The following DOCK1 variants were observed in gnomAD, a reference collection of about 807,000 sequenced individuals.
DOCK1 encodes dedicator of cytokinesis protein 1.
A neutral mutation model predicts 262.7 loss-of-function variants in DOCK1; 138 were observed. The ratio of observed to expected loss-of-function variants is 0.53; its 90% CI spans 0.46 to 0.61. The LOEUF is 0.61. Ranked by LOEUF, DOCK1 falls within the 20% of genes least tolerant of loss-of-function variation. The pLI is 0.00. For missense variants in DOCK1, 1,908 were observed against 2,370.7 expected (o/e 0.80, Z 4.05); for synonymous variants, 866 against 867.4 (o/e 1.00, Z 0.03).
intron 2 of DOCK1, among the ~76,000 whole-genome samples, chr10:126,976,827 G>C (rs545395658): frequency 6.6e-6 from 1 of 151,842 alleles, no homozygotes; most frequent in African/African-American, 2.4e-5. Flanking sequence ...TCTGCCTCTC[G>C]GGTTTAAGCA....
Position 127,267,990 on chromosome 10 carries a change from G to GT in DOCK1, c.3044+10563dup, listed in dbSNP as rs1418296430. On this transcript the variant is annotated intron_variant, in intron 29 of 51. Transcript: ENST00000623213. ...TTTTGATAGTTCTCAATGAAGGACA[G>GT]TTGTTTCCCCTAGAGGAAAATCGAC... 2.6e-5 allele frequency among the ~76,000 whole-genome samples: 4 copies of GT among 152,288 alleles called. No homozygotes were observed. The East Asian group carries it at 5.8e-4, about 22-fold the overall frequency.
Position 127,441,536 on chromosome 10 carries a change from G to A in DOCK1, c.5259+2311G>A, listed in dbSNP as rs575592268. Among the ~76,000 whole-genome samples the A allele has an allele frequency of 3.9e-5, 6 of 152,318 alleles. No individual in the cohort carries two copies. In the East Asian group the frequency reaches 5.8e-4, roughly 15 times the overall value. On this transcript the variant is annotated intron_variant, in intron 49 of 51. Transcript: ENST00000623213. ...GCAGAGGGCACCTCCTCCAGGGGAC[G>A]GGTGCCGGCAAGGTCTGTGAGGACA...
intron 31 of DOCK1, among the ~76,000 whole-genome samples, chr10:127,350,532 T>C (rs1046836432): frequency 6.6e-6 from 1 of 152,212 alleles, no homozygotes; most frequent in African/African-American, 2.4e-5. Flanking sequence ...CTGAGCCCAC[T>C]GTTACATTTT....
chr10:127,168,495 G>A (rs61874030), intron 27 of DOCK1, among the ~76,000 whole-genome samples: 42 of 152,292 alleles, frequency 2.8e-4, no homozygotes, highest in Non-Finnish European at 5.6e-4. Context: ...CAGGGAACAC[G>A]GCACTCAGTA....
At chr10:127,115,336 G>A (rs1305488943) in intron 25 of DOCK1, among the ~76,000 whole-genome samples, 1 of 152,144 alleles carries the variant, frequency 6.6e-6, no homozygotes, top group East Asian at 1.9e-4. Flanking sequence ...GAGTCAATAG[G>A]CTGTGATGGC....
chr10:127,155,321 C>G (rs2052933908), intron 27 of DOCK1, among the ~76,000 whole-genome samples: 1 of 152,168 alleles, frequency 6.6e-6, no homozygotes, highest in African/African-American at 2.4e-5. Context: ...AGTGGGCTTG[C>G]AAAACTCAGA....
intron 27 of DOCK1, among the ~76,000 whole-genome samples, chr10:127,164,148 T>A: frequency 6.9e-6 from 1 of 145,524 alleles, no homozygotes; most frequent in East Asian, 2.1e-4. Flanking sequence ...GTCTTCCCTG[T>A]CATTTGCCTC....
intron 1 of DOCK1, among the ~76,000 whole-genome samples, chr10:126,959,690 C>T (rs905445530): frequency 5.3e-5 from 8 of 152,154 alleles, no homozygotes; most frequent in Non-Finnish European, 1.2e-4. Context: ...ATCGTTAGCA[C>T]CATTTGTTCA....
rs12359849 is a variant in DOCK1, at chr10:127,085,645, C to T, written c.2446-20586C>T. ...TGGTGGTGGGTGCCTGTAGTCTCAG[C>T]TACTGGGGCGGCTGAGGCAGGAGAA... On this transcript the variant is annotated intron_variant, in intron 23 of 51. Transcript: ENST00000623213. Among the ~76,000 whole-genome samples, 1,018 of 152,158 alleles carry T rather than the reference C, an allele frequency of 6.7e-3. 6 individuals carry two copies. The highest frequency in any genetic ancestry group is 0.012 in the Admixed American group (179 of 15,298).
chr10:127,120,579 T>G (rs970205126), intron 25 of DOCK1, among the ~76,000 whole-genome samples: 1 of 152,232 alleles, frequency 6.6e-6, no homozygotes, highest in African/African-American at 2.4e-5. Flanking sequence ...CATCTCTGTT[T>G]GGATGTGAAA....
At chr10:127,443,775 G>A (rs754964444) in intron 49 of DOCK1, among the ~76,000 whole-genome samples, 41 of 152,058 alleles carry the variant, frequency 2.7e-4, no homozygotes, top group Non-Finnish European at 5.6e-4. Context: ...TACAGAGGGA[G>A]CAATTACTGG....
At chr10:126,962,598 C>T (rs889611014) in intron 1 of DOCK1, among the ~76,000 whole-genome samples, 1 of 152,290 alleles carries the variant, frequency 6.6e-6, no homozygotes, top group African/African-American at 2.4e-5. Flanking sequence ...CGCCCAGCCC[C>T]CAGGAATTCT....
intron 47 of DOCK1, among the ~76,000 whole-genome samples, chr10:127,429,865 T>C (rs2069166010): frequency 6.6e-6 from 1 of 151,456 alleles, no homozygotes; most frequent in African/African-American, 2.4e-5. Context: ...GCCCACAGCG[T>C]GCAGGAGGCA....
intron 19 of DOCK1, among the ~76,000 whole-genome samples, chr10:127,041,424 A>G (rs941077826): frequency 1.3e-5 from 2 of 152,140 alleles, no homozygotes; most frequent in African/African-American, 4.8e-5. Context: ...TATGGCCGAT[A>G]ACATTCCATC....
At chr10:127,048,273 T>C (rs1371090319) in intron 21 of DOCK1, among the ~76,000 whole-genome samples, 1 of 152,366 alleles carries the variant, frequency 6.6e-6, no homozygotes, top group East Asian at 1.9e-4. Flanking sequence ...ACTGAGTACC[T>C]GTTTATTTTA....
intron 1 of DOCK1, among the ~76,000 whole-genome samples, chr10:126,948,525 G>A (rs2035820463): frequency 6.6e-6 from 1 of 151,846 alleles, no homozygotes; most frequent in African/African-American, 2.4e-5. Context: ...GCCTTTTGAG[G>A]GCATCTGGAT....
intron 29 of DOCK1, among the ~76,000 whole-genome samples, chr10:127,324,825 G>C (rs540155741): frequency 2.2e-4 from 34 of 152,254 alleles, no homozygotes; most frequent in African/African-American, 7.7e-4. Flanking sequence ...TGTCATTTGA[G>C]GTGCTCTGCC....
At chr10:127,424,455 G>A (rs550690217) in intron 46 of DOCK1, among the ~76,000 whole-genome samples, 73 of 152,216 alleles carry the variant, frequency 4.8e-4, no homozygotes, top group African/African-American at 1.7e-3. Context: ...AGAAAGGCCC[G>A]CCCTAAATCA....
chr10:127,395,576 G>T (rs2066774394), intron 38 of DOCK1, among the ~76,000 whole-genome samples: 1 of 152,182 alleles, frequency 6.6e-6, no homozygotes, highest in Admixed American at 6.5e-5. Context: ...GGCTTACAAG[G>T]ACCCAATGGA....
Sources: gnomAD v4.1 joint callset for allele counts (sites outside exome capture counted in the v4.1 genomes callset) on GRCh38, gnomAD v4.1.1 for gene constraint, MANE v1.5 for transcripts, NCBI Gene and HGNC (gene_info 2026-07-23, HGNC 2026-07-21) for gene names.